The following RP1 variants were observed in gnomAD, a reference collection of about 807,000 sequenced individuals.
RP1 encodes RP1 axonemal microtubule associated.
Under a neutral mutation model 14.8 loss-of-function variants are expected in RP1, and 16 were observed. That is an observed-to-expected ratio of 1.08 (90% CI 0.73 to 1.65). The LOEUF (loss-of-function observed/expected upper bound fraction) is 1.65. RP1 is among the 40% of genes most tolerant of loss of function. RP1 has a pLI of 0.00. For missense variants in RP1, 2,631 were observed against 2,535.0 expected, an observed-to-expected ratio of 1.04 and a Z score of -0.81; for synonymous variants, 876 against 883.6, an observed-to-expected ratio of 0.99 and a Z score of 0.15.
At chr8:54,795,625 GATA>G (rs1021787873) in intron 24 of RP1, among the ~76,000 whole-genome samples, 31 of 152,208 alleles carry the variant, frequency 2.0e-4, no homozygotes, top group African/African-American at 7.5e-4. Flanking sequence ...TGAGCTGGAT[GATA>G]GATATTTAGC....
chr8:54,800,164 T>C (rs949241307), intron 24 of RP1, among the ~76,000 whole-genome samples: 1 of 152,148 alleles, frequency 6.6e-6, no homozygotes, highest in Non-Finnish European at 1.5e-5. Context: ...GAAGTCAATT[T>C]ATTGTCTTCT....
chr8:54,827,494 G>A (rs34716968), intron 24 of RP1, among the ~76,000 whole-genome samples: 47,839 of 151,794 alleles, frequency 0.32, 7,702 homozygotes, highest in South Asian at 0.37. Context: ...ATGCCAGGCT[G>A]ATTTTTAAAT....
intron 15 of RP1, among the ~76,000 whole-genome samples, chr8:54,717,988 T>C (rs1229927628): frequency 6.6e-6 from 1 of 152,180 alleles, no homozygotes; most frequent in Non-Finnish European, 1.5e-5. Flanking sequence ...ATTCCAGTTA[T>C]ATTAGTATAA....
chr8:54,646,217 C>A (rs1435422173), intron 3 of RP1, among the ~76,000 whole-genome samples: 1 of 148,650 alleles, frequency 6.7e-6, no homozygotes. Flanking sequence ...AAGTTTTGTA[C>A]TTTCTTTCTG....
chr8:54,650,208 T>C (rs1249431745), intron 4 of RP1, among the ~76,000 whole-genome samples: 1 of 152,222 alleles, frequency 6.6e-6, no homozygotes, highest in African/African-American at 2.4e-5. Context: ...ATTTCAGCTC[T>C]TTCTGTTGTC....
chr8:54,565,127 T>A (rs971740320), intron 1 of RP1, among the ~76,000 whole-genome samples: 1 of 152,174 alleles, frequency 6.6e-6, no homozygotes, highest in Non-Finnish European at 1.5e-5. Context: ...GCCTGGGATT[T>A]ACAGGCAGCA....
At chr8:54,818,963 A>T (rs903180497) in intron 24 of RP1, among the ~76,000 whole-genome samples, 1 of 151,736 alleles carries the variant, frequency 6.6e-6, no homozygotes, top group Admixed American at 6.6e-5. Flanking sequence ...GATGTTACAG[A>T]GGAGCGGGTG....
intron 22 of RP1, among the ~76,000 whole-genome samples, chr8:54,762,741 C>A (rs972705073): frequency 1.2e-4 from 19 of 152,210 alleles, no homozygotes; most frequent in Admixed American, 6.5e-5. Context: ...GGCCAGTGAT[C>A]CACGATCCAG....
At chr8:54,781,538 A>G (rs927013798) in intron 23 of RP1, among the ~76,000 whole-genome samples, 8 of 152,228 alleles carry the variant, frequency 5.3e-5, no homozygotes, top group African/African-American at 1.9e-4. Flanking sequence ...TACAAGCAAT[A>G]CAAAAACTGT....
chr8:54,598,732 G>C (rs1252552371), intron 1 of RP1, among the ~76,000 whole-genome samples: 1 of 152,148 alleles, frequency 6.6e-6, no homozygotes, highest in East Asian at 1.9e-4. Context: ...ATTTTTGCCG[G>C]ACATAGAACT....
At chr8:54,574,967 G>A (rs1049522490) in intron 1 of RP1, among the ~76,000 whole-genome samples, 2 of 152,256 alleles carry the variant, frequency 1.3e-5, no homozygotes, top group Middle Eastern at 3.4e-3. Context: ...CATCTTTGGG[G>A]ATATTTCTAT....
chr8:54,721,586 C>A (rs987877924), intron 16 of RP1, among the ~76,000 whole-genome samples: 11 of 152,118 alleles, frequency 7.2e-5, no homozygotes, highest in African/African-American at 2.4e-4. Flanking sequence ...TAATAAAAGG[C>A]CACATTTGTC....
intron 19 of RP1, among the ~76,000 whole-genome samples, chr8:54,754,008 A>T (rs1809438874): frequency 6.6e-6 from 1 of 152,212 alleles, no homozygotes; most frequent in African/African-American, 2.4e-5. Flanking sequence ...GATAGGAGGC[A>T]AGGCAAACAA....
chr8:54,676,315 A>G (rs1487703566), intron 8 of RP1, among the ~76,000 whole-genome samples: 1 of 152,178 alleles, frequency 6.6e-6, no homozygotes, highest in Non-Finnish European at 1.5e-5. Context: ...TTTGATACCT[A>G]TTCACCAACT....
At chr8:54,820,953 G>C (rs145354498) in intron 24 of RP1, among the ~76,000 whole-genome samples, 2 of 152,252 alleles carry the variant, frequency 1.3e-5, no homozygotes, top group African/African-American at 4.8e-5. Context: ...ATCCTTAGGC[G>C]AAGCAGCAAG....
At chr8:54,754,740 A>C in intron 19 of RP1, 2 of 1,437,432 alleles carry the variant, frequency 1.4e-6, no homozygotes. Flanking sequence ...ATGCATTGTG[A>C]ATTCCAAGTT....
chr8:54,693,244 G>T (rs563628458), intron 12 of RP1, among the ~76,000 whole-genome samples: 1 of 152,072 alleles, frequency 6.6e-6, no homozygotes, highest in Admixed American at 6.5e-5. Context: ...TTTGAAGTCA[G>T]GTAGTGTGAT....
intron 19 of RP1, among the ~76,000 whole-genome samples, chr8:54,745,842 T>C (rs1016049106): frequency 1.3e-5 from 2 of 152,206 alleles, no homozygotes; most frequent in Non-Finnish European, 2.9e-5. Flanking sequence ...TTCTCATCCA[T>C]ATCGACTCTT....
intron 12 of RP1, among the ~76,000 whole-genome samples, chr8:54,681,482 T>TTGTGTGTG (rs3049538): frequency 5.4e-4 from 77 of 141,774 alleles, no homozygotes; most frequent in East Asian, 2.5e-3. Flanking sequence ...ATTTTTTGAT[T>TTGTGTGTG]TGTGTGTGTG....
Sources: gnomAD v4.1 joint callset for allele counts (sites outside exome capture counted in the v4.1 genomes callset) on GRCh38, gnomAD v4.1.1 for gene constraint, MANE v1.5 for transcripts, NCBI Gene and HGNC (gene_info 2026-07-23, HGNC 2026-07-21) for gene names.